ADGRL2: variants seen among roughly 807,000 people sequenced by gnomAD.
ADGRL2 encodes calcium-independent alpha-latrotoxin receptor 2.
Under a neutral mutation model 157.4 loss-of-function variants are expected in ADGRL2, and 44 were observed. The ratio of observed to expected loss-of-function variants is 0.28; its 90% CI spans 0.22 to 0.36. ADGRL2 has a LOEUF of 0.36. Ranked by LOEUF, ADGRL2 falls within the 10% of genes least tolerant of loss-of-function variation. The pLI, the probability that ADGRL2 is intolerant of heterozygous loss-of-function variation, is 1.00. For missense variants in ADGRL2, 1,510 were observed against 1,768.9 expected, an observed-to-expected ratio of 0.85 and a Z score of 2.63; for synonymous variants, 585 against 624.7, an observed-to-expected ratio of 0.94 and a Z score of 0.95.
chr1:81,804,249 A>G (rs1286365896), intron 1 of ADGRL2, among the ~76,000 whole-genome samples: 3 of 152,324 alleles, frequency 2.0e-5, no homozygotes, highest in South Asian at 4.1e-4. Context: ...CCATAAATTT[A>G]TGCATAATAG....
intron 2 of ADGRL2, among the ~76,000 whole-genome samples, chr1:81,906,382 T>A (rs1271482610): frequency 2.0e-5 from 3 of 152,138 alleles, no homozygotes; most frequent in Non-Finnish European, 4.4e-5. Context: ...CATGTTCAGG[T>A]CTTTGAATTT....
At chr1:81,460,844 TC>T (rs2077911446) in intron 2 of ADGRL2, among the ~76,000 whole-genome samples, 2 of 152,334 alleles carry the variant, frequency 1.3e-5, no homozygotes, top group East Asian at 1.9e-4. Context: ...TGGACTGTCT[TC>T]CTTGCAAAAT....
chr1:81,788,327 G>A (rs1571224529), intron 2 of ADGRL2, among the ~76,000 whole-genome samples: 1 of 152,108 alleles, frequency 6.6e-6, no homozygotes, highest in South Asian at 2.1e-4. Context: ...TATATGGCTT[G>A]GGGTCCTCCC....
At chr1:81,639,441 T>C (rs1326770931) in intron 3 of ADGRL2, among the ~76,000 whole-genome samples, 1 of 148,600 alleles carries the variant, frequency 6.7e-6, no homozygotes, top group Non-Finnish European at 1.5e-5. Flanking sequence ...CAGTGGCTCA[T>C]GCCCATAATC....
intron 2 of ADGRL2, among the ~76,000 whole-genome samples, chr1:81,900,425 A>AAT (rs1285543137): frequency 6.6e-6 from 1 of 152,200 alleles, no homozygotes; most frequent in Non-Finnish European, 1.5e-5. Flanking sequence ...TCAGGGCAAG[A>AAT]TTGGCCTTCA....
At chr1:81,804,168 A>C (rs2088757518) in intron 1 of ADGRL2, among the ~76,000 whole-genome samples, 1 of 152,010 alleles carries the variant, frequency 6.6e-6, no homozygotes, top group Admixed American at 6.6e-5. Context: ...TACTTGAGAA[A>C]CCCTTTAAAA....
At chr1:81,869,704 G>A (rs1383945129) in intron 2 of ADGRL2, among the ~76,000 whole-genome samples, 1 of 148,130 alleles carries the variant, frequency 6.8e-6, no homozygotes, top group Non-Finnish European at 1.5e-5. Flanking sequence ...TTAAATGTAT[G>A]TAAAAAAAAA....
At chr1:81,497,074 G>GAACA (rs2078746116) in intron 2 of ADGRL2, among the ~76,000 whole-genome samples, 1 of 152,034 alleles carries the variant, frequency 6.6e-6, no homozygotes, top group Non-Finnish European at 1.5e-5. Context: ...AATATAAAGA[G>GAACA]AACAAAAGGG....
At chr1:81,663,233 G>A (rs1570769152) in intron 3 of ADGRL2, among the ~76,000 whole-genome samples, 3 of 152,174 alleles carry the variant, frequency 2.0e-5, no homozygotes, top group Admixed American at 2.0e-4. Context: ...GAGACTAGGA[G>A]TCTTCACCGC....
At chr1:81,398,084 G>GT (rs1476067062) in intron 1 of ADGRL2, among the ~76,000 whole-genome samples, 1 of 151,998 alleles carries the variant, frequency 6.6e-6, no homozygotes, top group Non-Finnish European at 1.5e-5. Context: ...TCTTTTTACA[G>GT]TTTTTTACCT....
intron 2 of ADGRL2, among the ~76,000 whole-genome samples, chr1:81,884,679 T>C (rs964678643): frequency 1.3e-5 from 2 of 152,176 alleles, no homozygotes; most frequent in African/African-American, 4.8e-5. Flanking sequence ...ATATGCTACG[T>C]AAGTGACCAG....
At chr1:81,356,041 A>G (rs1251141821) in intron 1 of ADGRL2, among the ~76,000 whole-genome samples, 2 of 152,174 alleles carry the variant, frequency 1.3e-5, no homozygotes, top group African/African-American at 2.4e-5. Context: ...CCAAATGCTT[A>G]CCAATTGACA....
intron 1 of ADGRL2, among the ~76,000 whole-genome samples, chr1:81,746,191 A>G (rs1291856331): frequency 6.6e-6 from 1 of 152,190 alleles, no homozygotes; most frequent in Non-Finnish European, 1.5e-5. Flanking sequence ...TGTGTGTATT[A>G]TATACTAAAT....
chr1:81,637,923 T>G (rs2082145551), intron 3 of ADGRL2, among the ~76,000 whole-genome samples: 1 of 152,194 alleles, frequency 6.6e-6, no homozygotes, highest in African/African-American at 2.4e-5. Context: ...TTTTTTTTTT[T>G]TGTCTAACTA....
rs74098515 is a variant in ADGRL2 at position 81,934,036 on chromosome 1, G to T, written c.288-2692G>T. The stretch of plus-strand genomic sequence containing the variant: ...TATTTTTTATATTTTGGGAGGCCCT[G>T]AATTCTAGAATTTTTTATAATTTTA... On this transcript the variant is annotated intron_variant, in intron 3 of 23. Transcript: ENST00000686636. Among the ~76,000 whole-genome samples, 804 of 152,086 alleles carry T rather than the reference G, an allele frequency of 5.3e-3. 6 individuals carry two copies. The highest frequency in any genetic ancestry group is 0.019 in the African/African-American group (776 of 41,522).
At chr1:81,446,756 A>T (rs776304973) in intron 2 of ADGRL2, among the ~76,000 whole-genome samples, 1 of 152,234 alleles carries the variant, frequency 6.6e-6, no homozygotes, top group Non-Finnish European at 1.5e-5. Flanking sequence ...TCCTATTTAC[A>T]CTTACATAGT....
intron 2 of ADGRL2, among the ~76,000 whole-genome samples, chr1:81,853,730 C>G (rs1258176207): frequency 1.3e-5 from 2 of 152,012 alleles, no homozygotes; most frequent in East Asian, 3.8e-4. Flanking sequence ...GAAAGATTTA[C>G]TATAACATGA....
At chr1:81,627,986 T>C (rs556898063) in intron 3 of ADGRL2, among the ~76,000 whole-genome samples, 2 of 152,320 alleles carry the variant, frequency 1.3e-5, no homozygotes, top group African/African-American at 4.8e-5. Context: ...GCCAGGCTTA[T>C]AGTCTAACAA....
intron 1 of ADGRL2, among the ~76,000 whole-genome samples, chr1:81,415,310 C>T (rs897094415): frequency 6.6e-6 from 1 of 152,178 alleles, no homozygotes; most frequent in Non-Finnish European, 1.5e-5. Flanking sequence ...ATACCCTTAT[C>T]TACTCACCAC....
Sources: gnomAD v4.1 joint callset for allele counts (sites outside exome capture counted in the v4.1 genomes callset) on GRCh38, gnomAD v4.1.1 for gene constraint, MANE v1.5 for transcripts, NCBI Gene and HGNC (gene_info 2026-07-23, HGNC 2026-07-21) for gene names.